RAB2A: variants seen among roughly 807,000 people sequenced by gnomAD.
The protein encoded by RAB2A is ras-related protein Rab-2A.
A neutral mutation model predicts 32.5 loss-of-function variants in RAB2A; 7 were observed. The observed-to-expected ratio is 0.22, with a 90% CI of 0.12 to 0.40. The LOEUF (loss-of-function observed/expected upper bound fraction) is 0.40. Ranked by LOEUF, RAB2A falls within the 10% of genes least tolerant of loss-of-function variation. The pLI, the probability that RAB2A is intolerant of heterozygous loss-of-function variation, is 1.00. For missense variants in RAB2A, 108 were observed against 260.7 expected, an observed-to-expected ratio of 0.41 and a Z score of 4.03; for synonymous variants, 79 against 85.2, an observed-to-expected ratio of 0.93 and a Z score of 0.40.
intron 6 of RAB2A, among the ~76,000 whole-genome samples, chr8:60,593,588 C>T (rs1803975255): frequency 6.6e-6 from 1 of 152,100 alleles, no homozygotes; most frequent in African/African-American, 2.4e-5. Flanking sequence ...CCACCATTTC[C>T]CTTGTTGGAG....
intron 3 of RAB2A, among the ~76,000 whole-genome samples, chr8:60,575,856 C>G (rs1361498252): frequency 6.6e-6 from 1 of 151,982 alleles, no homozygotes; most frequent in Non-Finnish European, 1.5e-5. Flanking sequence ...GGGGTTTCTC[C>G]ATGTTGGTCA....
At chr8:60,560,277 C>T (rs559308857) in intron 2 of RAB2A, among the ~76,000 whole-genome samples, 48 of 152,212 alleles carry the variant, frequency 3.2e-4, no homozygotes, top group African/African-American at 1.1e-3. Flanking sequence ...TTGGTAGAGA[C>T]AGTGTTTTGC....
At chr8:60,556,390 ATGTT>A (rs1358091448) in intron 1 of RAB2A, among the ~76,000 whole-genome samples, 2 of 152,196 alleles carry the variant, frequency 1.3e-5, no homozygotes, top group African/African-American at 4.8e-5. Context: ...AAAATGATAA[ATGTT>A]TGAGGTGAAC....
intron 1 of RAB2A, among the ~76,000 whole-genome samples, chr8:60,522,070 A>G: frequency 6.6e-6 from 1 of 152,316 alleles, no homozygotes; most frequent in East Asian, 1.9e-4. Flanking sequence ...CTTGGATGTA[A>G]TGGTGGGAAA....
Position 60,572,066 on chromosome 8 carries a change from A to G in RAB2A, c.139A>G (p.Met47Val). The change falls in exon 3 of 8, where the codon ATG becomes GTG. Residue 47 changes from methionine (M) to valine (V), a missense_variant. Physicochemically the swap from Met to Val is conservative, Grantham distance 21. Transcript: ENST00000262646. ...TTTAGGTGTAGAGTTCGGTGCTCGA[A>G]TGATAACTATTGATGGGAAACAGAT... is the stretch of plus-strand genomic sequence containing the variant. ...LTIGVEFGAR[M>V]ITIDGKQIKL... 1.9e-6 allele frequency: 3 copies of G among 1,575,992 alleles called. No individual in the cohort carries two copies. Among genetic ancestry groups the G allele is most frequent in the Non-Finnish European group, 2.6e-6 (3 of 1,160,418 alleles).
At chr8:60,582,935 A>G (rs1157698665) in intron 3 of RAB2A, among the ~76,000 whole-genome samples, 1 of 151,912 alleles carries the variant, frequency 6.6e-6, no homozygotes, top group East Asian at 1.9e-4. Flanking sequence ...TGCGTGAGCC[A>G]CCATGCCCAG....
rs192816813 is a variant in RAB2A, at chr8:60,566,983, T to C, written c.119-5063T>C. Among the ~76,000 whole-genome samples the C allele has an allele frequency of 2.8e-3, 431 of 152,360 alleles. 3 individuals carry two copies. The highest frequency in any genetic ancestry group is 9.3e-3 in the African/African-American group (387 of 41,576). On this transcript the variant is annotated intron_variant, in intron 2 of 7. Coordinates refer to ENST00000262646, the MANE Select transcript of RAB2A (RefSeq NM_002865.3). ...TGTCTTTCTTTAATCCCTATATAGC[T>C]TGTGGCCTCACACCATTAATTAAAT...
chr8:60,521,450 A>T (rs1258619360), intron 1 of RAB2A, among the ~76,000 whole-genome samples: 3 of 152,226 alleles, frequency 2.0e-5, no homozygotes, highest in Non-Finnish European at 4.4e-5. Context: ...TGTAGGGAAG[A>T]AAAATTCTCA....
intron 6 of RAB2A, among the ~76,000 whole-genome samples, chr8:60,608,533 C>CT (rs1342243388): frequency 9.4e-5 from 13 of 138,924 alleles, no homozygotes; most frequent in African/African-American, 3.4e-4. Context: ...TCCTCTCCTT[C>CT]TCCTCCTTCT....
chr8:60,604,275 G>A (rs995356004), intron 6 of RAB2A, among the ~76,000 whole-genome samples: 1 of 152,188 alleles, frequency 6.6e-6, no homozygotes, highest in Non-Finnish European at 1.5e-5. Flanking sequence ...ACAGCCTGCA[G>A]AACCATGATA....
chr8:60,549,663 CA>C (rs1336974172), intron 1 of RAB2A, among the ~76,000 whole-genome samples: 1 of 152,016 alleles, frequency 6.6e-6, no homozygotes, highest in African/African-American at 2.4e-5. Context: ...AAGCCATTGG[CA>C]GGAGATAGTT....
At chr8:60,542,265 C>T (rs936510352) in intron 1 of RAB2A, among the ~76,000 whole-genome samples, 4 of 152,154 alleles carry the variant, frequency 2.6e-5, no homozygotes, top group African/African-American at 9.7e-5. Context: ...CCTGTAATCC[C>T]AGCACTTTGG....
rs572794510 is a variant in RAB2A, at chr8:60,586,763, A to G, written c.362+1948A>G. On this transcript the variant is annotated intron_variant, in intron 5 of 7. Coordinates refer to ENST00000262646, the MANE Select transcript of RAB2A (RefSeq NM_002865.3). ...AGACCCTATCTCTACAAAAAATAAAATAATAATTAAAAAAAACTAGCTAGG... is the reference window on the plus strand; with the variant it reads ...AGACCCTATCTCTACAAAAAATAAAGTAATAATTAAAAAAAACTAGCTAGG... Among the ~76,000 whole-genome samples the G allele has an allele frequency of 2.6e-5, 4 of 152,110 alleles. No homozygotes were observed. The South Asian group carries it at 8.3e-4, about 32-fold the overall frequency.
intron 1 of RAB2A, among the ~76,000 whole-genome samples, chr8:60,547,582 C>A (rs1180971696): frequency 7.9e-6 from 1 of 127,082 alleles, no homozygotes; most frequent in Non-Finnish European, 1.7e-5. Context: ...AGGGGCTCCT[C>A]ACTTCCCAGT....
intron 6 of RAB2A, among the ~76,000 whole-genome samples, chr8:60,610,760 G>A (rs1186180903): frequency 1.3e-5 from 2 of 152,042 alleles, no homozygotes; most frequent in South Asian, 2.1e-4. Flanking sequence ...TCTAAACCAG[G>A]GTGGCTAAAC....
chr8:60,549,665 G>A (rs1807814678), intron 1 of RAB2A, among the ~76,000 whole-genome samples: 1 of 152,076 alleles, frequency 6.6e-6, no homozygotes, highest in African/African-American at 2.4e-5. Flanking sequence ...GCCATTGGCA[G>A]GAGATAGTTT....
intron 1 of RAB2A, among the ~76,000 whole-genome samples, chr8:60,518,043 G>A (rs1807237698): frequency 6.6e-6 from 1 of 152,054 alleles, no homozygotes; most frequent in Non-Finnish European, 1.5e-5. Flanking sequence ...GTCAAGTCCG[G>A]TGTCACAACT....
intron 1 of RAB2A, among the ~76,000 whole-genome samples, chr8:60,523,019 G>A (rs1807324638): frequency 6.6e-6 from 1 of 152,090 alleles, no homozygotes; most frequent in Non-Finnish European, 1.5e-5. Flanking sequence ...AACCTGGGAA[G>A]TTCAGAGGTA....
chr8:60,598,807 A>C (rs6995515), intron 6 of RAB2A, among the ~76,000 whole-genome samples: 58,814 of 151,370 alleles, frequency 0.39, 11,538 homozygotes, highest in East Asian at 0.55. Context: ...CCAAAAAAAA[A>C]CCCACAACTA....
Sources: allele counts gnomAD v4.1 joint callset (sites outside exome capture counted in the v4.1 genomes callset), GRCh38; gene constraint gnomAD v4.1.1; transcripts MANE v1.5; gene names NCBI Gene and HGNC (gene_info 2026-07-23, HGNC 2026-07-21).